CECR2: variants seen among roughly 807,000 people sequenced by gnomAD.
The protein encoded by CECR2 is CECR2 histone acetyl-lysine reader, also known as chromatin remodeling regulator CECR2.
A neutral mutation model predicts 154.5 loss-of-function variants in CECR2; 30 were observed. The ratio of observed to expected loss-of-function variants is 0.19; its 90% CI spans 0.15 to 0.26. The LOEUF (loss-of-function observed/expected upper bound fraction) is 0.26, where lower values mean the gene tolerates loss of function less well. Among genes scored for constraint, CECR2 ranks in the 10% least tolerant of loss-of-function variants. The pLI is 1.00. For missense variants in CECR2, 1,743 were observed against 1,829.3 expected (o/e 0.95, Z 0.86); for synonymous variants, 725 against 683.7 (o/e 1.06, Z -0.94).
Position 17,497,586 on chromosome 22 carries a change from G to C in CECR2, c.405G>C (p.Lys135Asn), listed in dbSNP as rs747245984. 6 of 1,613,476 alleles carry C rather than the reference G, an allele frequency of 3.7e-6. No individual in the cohort carries two copies. Among genetic ancestry groups the C allele is most frequent in the Non-Finnish European group, 5.1e-6 (6 of 1,179,556 alleles). ...LDADDVFDLL[K>N]GLDADSLRVE... ...CAGACGATGTCTTCGATCTTCTAAAGGTATGCTTAACTGGCGAACCTTTCC... is the reference window on the plus strand; with the variant it reads ...CAGACGATGTCTTCGATCTTCTAAACGTATGCTTAACTGGCGAACCTTTCC... Residue 135 changes from lysine to asparagine, a missense_variant and splice_region_variant, in exon 3 of 19, where the codon AAG (lysine) becomes AAC (asparagine). Physicochemically the swap from Lys to Asn is moderately conservative, Grantham distance 94. Coordinates refer to ENST00000262608, the MANE Select transcript of CECR2 (RefSeq NM_001290047.2).
chr22:17,487,072 T>C (rs2055434682), intron 2 of CECR2, among the ~76,000 whole-genome samples: 1 of 152,212 alleles, frequency 6.6e-6, no homozygotes, highest in South Asian at 2.1e-4. Context: ...GGATTCTTCA[T>C]TTTTGACAAT....
At chr22:17,410,413 C>T (rs1018855318) in intron 1 of CECR2, among the ~76,000 whole-genome samples, 26 of 151,946 alleles carry the variant, frequency 1.7e-4, no homozygotes, top group African/African-American at 6.3e-4. Context: ...TCTGATCCCC[C>T]TGTTTGTATA....
intron 1 of CECR2, among the ~76,000 whole-genome samples, chr22:17,416,981 G>A (rs1257470642): frequency 6.7e-6 from 1 of 149,768 alleles, no homozygotes; most frequent in Non-Finnish European, 1.5e-5. Flanking sequence ...TCTTTTTAAA[G>A]TCTCTTGATA....
At chr22:17,532,697 A>ATTTTTTTT (rs1158636788) in intron 9 of CECR2, among the ~76,000 whole-genome samples, 1 of 29,360 alleles carries the variant, frequency 3.4e-5, no homozygotes, top group Non-Finnish European at 7.2e-5. Flanking sequence ...ATTCATTATT[A>ATTTTTTTT]TTCTTTTTTT....
chr22:17,414,113 C>T (rs951824964), intron 1 of CECR2, among the ~76,000 whole-genome samples: 10 of 152,034 alleles, frequency 6.6e-5, no homozygotes, highest in African/African-American at 1.2e-4. Flanking sequence ...GCTGGGACTA[C>T]AGGTGCCTGC....
chr22:17,459,050 CCTT>C (rs1362612742), intron 1 of CECR2, among the ~76,000 whole-genome samples: 1 of 152,098 alleles, frequency 6.6e-6, no homozygotes, highest in African/African-American at 2.4e-5. Flanking sequence ...GCGAATCATC[CCTT>C]CTTACCCTAA....
intron 8 of CECR2, among the ~76,000 whole-genome samples, chr22:17,514,670 G>C (rs1011743815): frequency 1.3e-5 from 2 of 152,120 alleles, no homozygotes; most frequent in Non-Finnish European, 2.9e-5. Flanking sequence ...CTGTTTTTTA[G>C]TGGTGTTTTC....
intron 2 of CECR2, among the ~76,000 whole-genome samples, chr22:17,481,050 A>T (rs532534658): frequency 0.027 from 3,140 of 116,992 alleles, 154 homozygotes; most frequent in African/African-American, 0.083. Flanking sequence ...TTTTTTTTTT[A>T]AAAAAAAAAA....
rs758238356 is a variant in CECR2 at position 17,548,153 on chromosome 22, C to T, written c.2866C>T (p.Pro956Ser). ...CTTTTTTTTTTTTTTTGCAGCAGAGCCGTTGCCTGGCCTTGAAGAGAAACC... is the reference window on the plus strand; with the variant it reads ...CTTTTTTTTTTTTTTTGCAGCAGAGTCGTTGCCTGGCCTTGAAGAGAAACC... Reference protein sequence around the residue: ...AQEPENDQAEPLPGLEEKPPG... With the variant: ...AQEPENDQAESLPGLEEKPPG... The change falls in exon 17 of 19, where the codon CCG becomes TCG. Residue 956 changes from proline to serine, a missense_variant. Transcript: ENST00000262608. 3.3e-6 allele frequency: 5 copies of T among 1,520,758 alleles called. No homozygotes were observed. Among genetic ancestry groups the T allele is most frequent in the Middle Eastern group, 3.5e-4 (2 of 5,704 alleles). The allele number at this position is 1,520,758 out of a possible 1,614,324, so 94.2% of individuals were successfully genotyped here.
intron 17 of CECR2, among the ~76,000 whole-genome samples, chr22:17,551,663 TAGCC>T (rs1318051968): frequency 6.6e-6 from 1 of 152,054 alleles, no homozygotes; most frequent in Non-Finnish European, 1.5e-5. Context: ...ATAAAGAACT[TAGCC>T]AGGCATGGTA....
intron 7 of CECR2, among the ~76,000 whole-genome samples, chr22:17,510,527 CAAGT>C (rs2055925939): frequency 6.6e-6 from 1 of 151,964 alleles, no homozygotes; most frequent in Non-Finnish European, 1.5e-5. Context: ...TTTTTCGGGA[CAAGT>C]ACTTAAAGAA....
At chr22:17,545,444 GA>G (rs761498388) in intron 16 of CECR2, among the ~76,000 whole-genome samples, 30 of 143,014 alleles carry the variant, frequency 2.1e-4, no homozygotes, top group South Asian at 8.9e-4. Context: ...GGAGAAAATG[GA>G]AAAAAAAATA....
At chr22:17,425,461 T>C (rs2054315999) in intron 1 of CECR2, among the ~76,000 whole-genome samples, 1 of 152,282 alleles carries the variant, frequency 6.6e-6, no homozygotes, top group South Asian at 2.1e-4. Context: ...GTGCTGAGTA[T>C]AGGAAGTCAA....
chr22:17,363,211 G>C (rs1406989275), intron 1 of CECR2, among the ~76,000 whole-genome samples: 1 of 150,224 alleles, frequency 6.7e-6, no homozygotes, highest in Non-Finnish European at 1.5e-5. Context: ...TACCACACCT[G>C]GCTAATTTTT....
chr22:17,418,239 C>T (rs568011377), intron 1 of CECR2, among the ~76,000 whole-genome samples: 2 of 152,296 alleles, frequency 1.3e-5, no homozygotes, highest in South Asian at 4.2e-4. Flanking sequence ...TTTGTCTGTC[C>T]TGGAAAATAA....
rs781146348 is a variant in CECR2, at chr22:17,554,473, G to T, written c.*1633G>T. The T allele has an allele frequency of 6.6e-6, 1 of 152,098 alleles. No homozygotes were observed. The highest frequency in any genetic ancestry group is 6.6e-5 in the Admixed American group (1 of 15,252). 9.4% of individuals were successfully genotyped at this position (152,098 alleles called of 1,614,324 possible). On this transcript the variant is annotated 3_prime_UTR_variant, in exon 19 of 19. Coordinates refer to ENST00000262608, the MANE Select transcript of CECR2 (RefSeq NM_001290047.2). ...ACAGTTTGCTAAACATATGCTGTCC[G>T]TGGAAAAGGAAGCTAATCGGAAGCA...
intron 1 of CECR2, among the ~76,000 whole-genome samples, chr22:17,385,737 G>A (rs921614963): frequency 6.6e-6 from 1 of 152,188 alleles, no homozygotes; most frequent in Non-Finnish European, 1.5e-5. Flanking sequence ...CGCAGGGTCG[G>A]CACGAAATCT....
At chr22:17,428,822 G>GTT (rs1335205382) in intron 1 of CECR2, among the ~76,000 whole-genome samples, 2 of 149,702 alleles carry the variant, frequency 1.3e-5, no homozygotes, top group Non-Finnish European at 2.9e-5. Flanking sequence ...GTGTGTGTGT[G>GTT]TGTGTATATA....
chr22:17,447,041 T>TTTTTTTTTTG (rs1601373174), intron 1 of CECR2, among the ~76,000 whole-genome samples: 1 of 141,196 alleles, frequency 7.1e-6, no homozygotes. Context: ...ATCTTTTTTT[T>TTTTTTTTTTG]TTTTTTTTTT....
Sources: allele counts gnomAD v4.1 joint callset (sites outside exome capture counted in the v4.1 genomes callset), GRCh38; gene constraint gnomAD v4.1.1; transcripts MANE v1.5; gene names NCBI Gene and HGNC (gene_info 2026-07-23, HGNC 2026-07-21).